OPCML: variants seen among roughly 807,000 people sequenced by gnomAD.
OPCML encodes opioid-binding protein/cell adhesion molecule.
A neutral mutation model predicts 37.8 loss-of-function variants in OPCML; 13 were observed. That is an observed-to-expected ratio of 0.34 (90% CI 0.22 to 0.55). OPCML has a LOEUF of 0.55. Among genes scored for constraint, OPCML ranks in the 20% least tolerant of loss-of-function variants. The pLI is 0.91. For synonymous variants in OPCML, 176 were observed against 168.8 expected (o/e 1.04, Z -0.33); for missense variants, 341 against 435.6 (o/e 0.78, Z 1.93).
At chr11:133,425,220 C>T (rs1271351103) in intron 1 of OPCML, among the ~76,000 whole-genome samples, 3 of 152,206 alleles carry the variant, frequency 2.0e-5, no homozygotes, top group East Asian at 1.9e-4. Flanking sequence ...CTCATAGAAA[C>T]ACCTGCCTTA....
chr11:133,011,502 C>T (rs1947213289), intron 1 of OPCML, among the ~76,000 whole-genome samples: 1 of 152,082 alleles, frequency 6.6e-6, no homozygotes, highest in Admixed American at 6.6e-5. Flanking sequence ...CCAGAGTTGA[C>T]ATGCTATAAA....
chr11:133,312,364 G>T (rs1236471950), intron 1 of OPCML, among the ~76,000 whole-genome samples: 2 of 152,160 alleles, frequency 1.3e-5, no homozygotes, highest in Admixed American at 1.3e-4. Context: ...TGTGAGACTT[G>T]TTTCGCACGG....
intron 2 of OPCML, among the ~76,000 whole-genome samples, chr11:132,776,440 G>A (rs1946811667): frequency 6.6e-6 from 1 of 152,108 alleles, no homozygotes; most frequent in South Asian, 2.1e-4. Context: ...TTGGAGGTGG[G>A]GCCTTTTGTG....
chr11:133,355,988 G>T (rs1375213763), intron 1 of OPCML, among the ~76,000 whole-genome samples: 1 of 152,250 alleles, frequency 6.6e-6, no homozygotes, highest in East Asian at 1.9e-4. Flanking sequence ...AATAACCTAG[G>T]TGATTTTTCC....
At chr11:133,006,814 A>G (rs1295658011) in intron 1 of OPCML, 3 of 985,340 alleles carry the variant, frequency 3.0e-6, no homozygotes, top group African/African-American at 1.7e-5. Context: ...TAGCAGGAGC[A>G]GTGACACCAG....
intron 1 of OPCML, among the ~76,000 whole-genome samples, chr11:133,012,741 G>A (rs537866785): frequency 1.3e-5 from 2 of 152,060 alleles, no homozygotes; most frequent in South Asian, 4.2e-4. Context: ...CGGGCATGGT[G>A]GCACATGCCT....
chr11:132,845,832 T>C (rs759974671), intron 2 of OPCML, among the ~76,000 whole-genome samples: 1 of 152,156 alleles, frequency 6.6e-6, no homozygotes, highest in Non-Finnish European at 1.5e-5. Context: ...TCTAGTCTAG[T>C]AATGATTTGA....
intron 1 of OPCML, among the ~76,000 whole-genome samples, chr11:132,954,048 T>C (rs566299131): frequency 6.6e-6 from 1 of 152,328 alleles, no homozygotes; most frequent in South Asian, 2.1e-4. Flanking sequence ...ATCATATCTC[T>C]CTTGCCAAAC....
At chr11:132,781,954 A>ATT (rs10717332) in intron 2 of OPCML, among the ~76,000 whole-genome samples, 27 of 107,776 alleles carry the variant, frequency 2.5e-4, no homozygotes, top group Middle Eastern at 6.3e-3. Context: ...ATATATATAT[A>ATT]TTTTTTTTTT....
At chr11:133,168,607 T>C (rs1277600367) in intron 1 of OPCML, among the ~76,000 whole-genome samples, 11 of 152,174 alleles carry the variant, frequency 7.2e-5, no homozygotes, top group Admixed American at 6.5e-4. Flanking sequence ...GGTGAGTTGT[T>C]TTGTAGCTAG....
At chr11:133,229,273 C>T (rs1287994378) in intron 1 of OPCML, among the ~76,000 whole-genome samples, 1 of 152,166 alleles carries the variant, frequency 6.6e-6, no homozygotes, top group Non-Finnish European at 1.5e-5. Flanking sequence ...TTCTTAAATA[C>T]GGTAGTCCCC....
intron 1 of OPCML, among the ~76,000 whole-genome samples, chr11:133,124,708 G>A (rs1949473322): frequency 6.6e-6 from 1 of 152,076 alleles, no homozygotes; most frequent in Admixed American, 6.5e-5. Context: ...AAAGGCTCAT[G>A]CACCCTTGCA....
At chr11:133,070,455 G>C (rs1448254175) in intron 1 of OPCML, among the ~76,000 whole-genome samples, 1 of 152,156 alleles carries the variant, frequency 6.6e-6, no homozygotes, top group African/African-American at 2.4e-5. Context: ...TCGCCTGGGA[G>C]AAAGTGAATG....
At chr11:132,507,912 G>A (rs1413042674) in intron 4 of OPCML, among the ~76,000 whole-genome samples, 1 of 151,968 alleles carries the variant, frequency 6.6e-6, no homozygotes, top group Non-Finnish European at 1.5e-5. Context: ...ACATATGGCT[G>A]AAAGGGAAAA....
intron 1 of OPCML, among the ~76,000 whole-genome samples, chr11:133,393,077 G>T (rs565911934): frequency 6.8e-4 from 100 of 147,668 alleles, no homozygotes; most frequent in African/African-American, 2.5e-3. Context: ...ATGATTTCAC[G>T]GTTTAAAACA....
intron 3 of OPCML, among the ~76,000 whole-genome samples, chr11:132,543,925 G>A (rs556111977): frequency 6.6e-6 from 1 of 152,066 alleles, no homozygotes; most frequent in African/African-American, 2.4e-5. Flanking sequence ...CAAACCTGGA[G>A]AGTCTGGAAA....
chr11:132,496,399 T>C (rs546894472), intron 4 of OPCML, among the ~76,000 whole-genome samples: 4 of 152,360 alleles, frequency 2.6e-5, no homozygotes, highest in East Asian at 1.9e-4. Flanking sequence ...ATTATAGGAA[T>C]ACATATCTTA....
intron 1 of OPCML, among the ~76,000 whole-genome samples, chr11:133,497,729 C>T (rs1046710945): frequency 4.6e-5 from 7 of 152,144 alleles, no homozygotes; most frequent in Non-Finnish European, 8.8e-5. Flanking sequence ...TTTAAATAGG[C>T]AGTTTGTGCT....
chr11:132,999,424 A>C (rs1946950607), intron 1 of OPCML, among the ~76,000 whole-genome samples: 1 of 152,132 alleles, frequency 6.6e-6, no homozygotes, highest in African/African-American at 2.4e-5. Flanking sequence ...ATTATTAAGA[A>C]GGCAGTTTGG....
Sources: gnomAD v4.1 joint callset for allele counts (sites outside exome capture counted in the v4.1 genomes callset) on GRCh38, gnomAD v4.1.1 for gene constraint, MANE v1.5 for transcripts, NCBI Gene and HGNC (gene_info 2026-07-23, HGNC 2026-07-21) for gene names.